SPAST: variants seen among roughly 807,000 people sequenced by gnomAD.
SPAST encodes the protein spastin.
In SPAST, 30 loss-of-function variants were observed where a neutral mutation model predicts 76.6. That is an observed-to-expected ratio of 0.39 (90% CI 0.29 to 0.53). SPAST has a LOEUF of 0.53. Among genes scored for constraint, SPAST ranks in the 20% least tolerant of loss-of-function variants. SPAST has a pLI of 0.68. For missense variants in SPAST, 717 were observed against 770.5 expected, an observed-to-expected ratio of 0.93 and a Z score of 0.82; for synonymous variants, 305 against 281.0, an observed-to-expected ratio of 1.09 and a Z score of -0.86.
At chr2:32,117,430 A>G (rs1222377638) in intron 7 of SPAST, among the ~76,000 whole-genome samples, 1 of 151,916 alleles carries the variant, frequency 6.6e-6, no homozygotes, top group Non-Finnish European at 1.5e-5. Flanking sequence ...CCAACGTGAC[A>G]GTGATAATAA....
chr2:32,097,693 C>CTTTTTTTTTTTTTTT (rs1677970919), intron 3 of SPAST, among the ~76,000 whole-genome samples: 1 of 120,162 alleles, frequency 8.3e-6, no homozygotes. Flanking sequence ...TTTTTTTTTT[C>CTTTTTTTTTTTTTTT]TTTTCTTTTT....
Position 32,126,989 on chromosome 2 carries a change from C to G in SPAST, c.1140C>G (p.Leu380=). The G allele has an allele frequency of 1.2e-6, 2 of 1,613,132 alleles. No individual in the cohort carries two copies. Among genetic ancestry groups the G allele is most frequent in the Non-Finnish European group, 1.7e-6 (2 of 1,179,154 alleles). ...GAGCTCCTGCCAGAGGGCTGTTACT[C>G]TTTGGTCCACCTGGGAATGGGAAGA... The part of the protein sequence containing the change: ...GLRAPARGLL[L]FGPPGNGKTM... The change falls in exon 8 of 17, where the codon CTC becomes CTG. Residue 380 remains leucine (L), a synonymous_variant. Transcript: ENST00000315285.
intron 7 of SPAST, among the ~76,000 whole-genome samples, chr2:32,116,442 G>A (rs1479268277): frequency 6.6e-6 from 1 of 152,068 alleles, no homozygotes; most frequent in Non-Finnish European, 1.5e-5. Flanking sequence ...ATATTTTTAG[G>A]AAAAGTGGGT....
intron 4 of SPAST, among the ~76,000 whole-genome samples, chr2:32,101,096 G>A (rs62142110): frequency 0.14 from 21,733 of 152,112 alleles, 2,093 homozygotes; most frequent in Non-Finnish European, 0.19. Context: ...AAGTGTTCCT[G>A]TTTCTCCACA....
intron 1 of SPAST, among the ~76,000 whole-genome samples, chr2:32,075,917 T>TTC (rs1558614717): frequency 6.9e-6 from 1 of 144,060 alleles, no homozygotes; most frequent in Non-Finnish European, 1.5e-5. Flanking sequence ...TTTTTTTTTT[T>TTC]TGAGACAGAG....
intron 1 of SPAST, among the ~76,000 whole-genome samples, chr2:32,082,929 T>C (rs1677298205): frequency 6.6e-6 from 1 of 152,116 alleles, no homozygotes; most frequent in Non-Finnish European, 1.5e-5. Context: ...ATGATTTGGG[T>C]TGTTTCCTGT....
intron 4 of SPAST, among the ~76,000 whole-genome samples, chr2:32,107,186 A>C (rs1444088102): frequency 6.6e-6 from 1 of 152,046 alleles, no homozygotes; most frequent in African/African-American, 2.4e-5. Context: ...CCCTAGTACA[A>C]GTTGAATATC....
At chr2:32,128,576 T>A in intron 9 of SPAST, 97 bp downstream of exon 9, 1 of 815,344 alleles carries the variant, frequency 1.2e-6, no homozygotes, top group Non-Finnish European at 2.1e-6. Flanking sequence ...AATATTTTTC[T>A]AGGAGCTTAT....
At position 32,063,888 on chromosome 2, in the gene SPAST, G is replaced by A; in HGVS notation, c.57G>A (p.Pro19=). The change falls in exon 1 of 17, where the codon CCG becomes CCA. Residue 19 remains proline (P), a synonymous_variant. Transcript: ENST00000315285. The stretch of plus-strand genomic sequence containing the variant: ...AAGGCTCCGGCGGCGCCAGCAACCC[G>A]GTGCCTCCCAGGCCTCCGCCCCCTT... The part of the protein sequence containing the change: ...KKKGSGGASN[P]VPPRPPPPCL... The A allele has an allele frequency of 1.3e-6, 2 of 1,583,874 alleles. No individual in the cohort carries two copies. Among genetic ancestry groups the A allele is most frequent in the Non-Finnish European group, 1.7e-6 (2 of 1,167,850 alleles).
chr2:32,086,078 C>T (rs191961345), intron 1 of SPAST, among the ~76,000 whole-genome samples: 84 of 151,876 alleles, frequency 5.5e-4, no homozygotes, highest in African/African-American at 2.0e-3. Context: ...TAGACTTCGT[C>T]TGTTTCATCA....
chr2:32,098,831 C>A lies in SPAST; in HGVS notation c.622C>A (p.Gln208Lys), dbSNP rs866759963. ...ACCAGTTTTGCCATTTTCCAAGTCA[C>A]AAACGGACGTCTATAATGACAGTAC... The part of the protein sequence containing the change: ...MQPVLPFSKS[Q>K]TDVYNDSTNL... Residue 208 changes from glutamine (Q) to lysine (K), a missense_variant, in exon 4 of 17, where the codon CAA becomes AAA. Transcript: ENST00000315285. 4 of 1,613,852 alleles carry A rather than the reference C, an allele frequency of 2.5e-6. No homozygotes were observed. The highest frequency in any genetic ancestry group is 3.4e-6 in the Non-Finnish European group (4 of 1,179,864).
intron 1 of SPAST, among the ~76,000 whole-genome samples, chr2:32,069,110 C>T (rs945338608): frequency 6.6e-5 from 10 of 151,388 alleles, no homozygotes; most frequent in Non-Finnish European, 1.3e-4. Context: ...GTACTTGGGA[C>T]GCTGACGCAG....
chr2:32,120,392 T>G (rs1030289153), intron 7 of SPAST, among the ~76,000 whole-genome samples: 1 of 152,112 alleles, frequency 6.6e-6, no homozygotes, highest in Non-Finnish European at 1.5e-5. Flanking sequence ...CTTTTAAATA[T>G]TATTCATTAC....
intron 8 of SPAST, chr2:32,127,492 TG>T (rs1287859204): frequency 1.2e-5 from 2 of 162,490 alleles, no homozygotes; most frequent in African/African-American, 4.8e-5. Flanking sequence ...TCTTCAGTAG[TG>T]TGTTTTTGGT....
chr2:32,109,694 G>A (rs1678459439), intron 4 of SPAST, among the ~76,000 whole-genome samples: 2 of 146,060 alleles, frequency 1.4e-5, no homozygotes, highest in South Asian at 4.2e-4. Flanking sequence ...TATATATATT[G>A]TTTAGTTTTG....
intron 9 of SPAST, chr2:32,129,554 A>G (rs1427160523): frequency 1.3e-5 from 2 of 152,240 alleles, no homozygotes; most frequent in Non-Finnish European, 2.9e-5. Context: ...GGTGTGCAGA[A>G]CTAGTGTGTA....
At chr2:32,138,596 T>C (rs1424376158) in intron 12 of SPAST, among the ~76,000 whole-genome samples, 3 of 152,226 alleles carry the variant, frequency 2.0e-5, no homozygotes, top group African/African-American at 7.2e-5. Flanking sequence ...CATTGTTAGA[T>C]GCAGTTCTGT....
chr2:32,148,384 A>G (rs948692790), intron 16 of SPAST, among the ~76,000 whole-genome samples: 4 of 152,122 alleles, frequency 2.6e-5, no homozygotes, highest in African/African-American at 7.2e-5. Context: ...ACAGAAGAAA[A>G]TTACAGGCCG....
rs192926888 is a variant in SPAST, at chr2:32,072,486, C to T, written c.415+8240C>T. Among the ~76,000 whole-genome samples, 392 of 152,154 alleles carry T rather than the reference C, an allele frequency of 2.6e-3. 3 individuals carry two copies. The highest frequency in any genetic ancestry group is 3.4e-3 in the Non-Finnish European group (229 of 68,000). On this transcript the variant is annotated intron_variant, in intron 1 of 16. Coordinates refer to ENST00000315285, the MANE Select transcript of SPAST (RefSeq NM_014946.4). ...ATGCTGATCAGTTGTCCCTGAATTC[C>T]AAAGGGAAGAGGGTATATGAGTCAT...
Sources: allele counts gnomAD v4.1 joint callset (sites outside exome capture counted in the v4.1 genomes callset), GRCh38; gene constraint gnomAD v4.1.1; transcripts MANE v1.5; gene names NCBI Gene and HGNC (gene_info 2026-07-23, HGNC 2026-07-21).